PPP1R12A: variants seen among roughly 807,000 people sequenced by gnomAD.
PPP1R12A encodes myosin binding subunit.
A neutral mutation model predicts 139.6 loss-of-function variants in PPP1R12A; 19 were observed. The observed-to-expected ratio is 0.14, with a 90% CI of 0.09 to 0.20. PPP1R12A has a LOEUF of 0.20. Ranked by LOEUF, PPP1R12A falls within the 10% of genes least tolerant of loss-of-function variation. The probability of loss-of-function intolerance (pLI) is 1.00; values close to 1 mark genes in which losing one functional copy is unlikely to be tolerated. For missense variants in PPP1R12A, 925 were observed against 1,211.5 expected, an observed-to-expected ratio of 0.76 and a Z score of 3.51; for synonymous variants, 427 against 420.6, an observed-to-expected ratio of 1.02 and a Z score of -0.19.
chr12:79,787,450 C>T (rs1871260390), intron 21 of PPP1R12A: 1 of 152,134 alleles, frequency 6.6e-6, no homozygotes, highest in Non-Finnish European at 1.5e-5. Context: ...CCATTTTTGC[C>T]CGTTAACTAT....
At position 79,773,811 on chromosome 12, in the gene PPP1R12A, T is replaced by A. The variant is rs988003138; in HGVS notation, c.*2118A>T. The A allele has an allele frequency of 6.6e-6, 1 of 152,196 alleles. No individual in the cohort carries two copies. Among genetic ancestry groups the A allele is most frequent in the African/African-American group, 2.4e-5 (1 of 41,456 alleles). 9.4% of individuals were successfully genotyped at this position (152,196 alleles called of 1,614,324 possible). The stretch of plus-strand genomic sequence containing the variant: ...AAATTTAAAATGTCTTCATTAAAAG[T>A]TCACACATTTAAAATAGTTTTATTC... On this transcript the variant is annotated 3_prime_UTR_variant, in exon 25 of 25. Coordinates refer to ENST00000450142, the MANE Select transcript of PPP1R12A (RefSeq NM_002480.3).
chr12:79,915,779 C>T (rs1204793553), intron 1 of PPP1R12A, among the ~76,000 whole-genome samples: 2 of 152,152 alleles, frequency 1.3e-5, no homozygotes, highest in African/African-American at 2.4e-5. Flanking sequence ...CTATGTTAGT[C>T]TTCCCTTTGG....
chr12:79,919,650 T>A (rs985634162), intron 1 of PPP1R12A, among the ~76,000 whole-genome samples: 4 of 152,022 alleles, frequency 2.6e-5, no homozygotes, highest in African/African-American at 9.7e-5. Context: ...TCATTACACA[T>A]AACTGATGTA....
chr12:79,778,880 A>G lies in PPP1R12A; in HGVS notation c.2956-280T>C, dbSNP rs563122249. ...TACTTTTTGAGTTCATGTAAAACTTAGAGTGAATCAATACTCAAGACTGAA... is the reference window on the plus strand; with the variant it reads ...TACTTTTTGAGTTCATGTAAAACTTGGAGTGAATCAATACTCAAGACTGAA... On this transcript the variant is annotated intron_variant, in intron 23 of 24. Coordinates refer to ENST00000450142, the MANE Select transcript of PPP1R12A (RefSeq NM_002480.3). 2.8e-5 allele frequency: 7 copies of G among 251,480 alleles called. No individual in the cohort carries two copies. In the South Asian group the frequency reaches 6.3e-4, roughly 23 times the overall value. The allele number at this position is 251,480 out of a possible 1,614,324, so 15.6% of individuals were successfully genotyped here.
chr12:79,931,183 G>A (rs545741559), intron 1 of PPP1R12A, among the ~76,000 whole-genome samples: 1 of 152,144 alleles, frequency 6.6e-6, no homozygotes, highest in Non-Finnish European at 1.5e-5. Flanking sequence ...ATACTGAATT[G>A]CAACTATGAA....
chr12:79,878,678 C>T lies in PPP1R12A; in HGVS notation c.238-5740G>A, dbSNP rs117617217. Among the ~76,000 whole-genome samples the T allele has an allele frequency of 9.7e-3, 1,471 of 152,074 alleles. 17 individuals are homozygous for T. Among genetic ancestry groups the T allele is most frequent in the South Asian group, 0.025 (122 of 4,814 alleles). On this transcript the variant is annotated intron_variant, in intron 1 of 24. Transcript: ENST00000450142. ...AGCAAACACCTCCTCCTTCACATGG[C>T]GGTGGCAAGGAGAAGCGCCGAGCAA...
chr12:79,825,185 A>G (rs1400501832), intron 5 of PPP1R12A: 3 of 152,166 alleles, frequency 2.0e-5, no homozygotes, highest in Non-Finnish European at 2.9e-5. Flanking sequence ...AAATAAAAAT[A>G]AATTCAGATG....
chr12:79,865,253 C>G (rs769551083), intron 2 of PPP1R12A, among the ~76,000 whole-genome samples: 2 of 152,078 alleles, frequency 1.3e-5, no homozygotes, highest in African/African-American at 2.4e-5. Context: ...AAAAGGCCTT[C>G]GATAAAATTC....
chr12:79,821,283 G>T (rs1876064949), intron 6 of PPP1R12A, 117 bp from the exon 7 acceptor site: 2 of 655,740 alleles, frequency 3.0e-6, no homozygotes, highest in South Asian at 4.7e-5. Flanking sequence ...ACAAAACAAA[G>T]AAATAAATAA....
intron 1 of PPP1R12A, among the ~76,000 whole-genome samples, chr12:79,930,163 T>G (rs1474754162): frequency 1.3e-5 from 2 of 152,128 alleles, no homozygotes; most frequent in Non-Finnish European, 2.9e-5. Context: ...ATGTGAATCT[T>G]GAACAATGAC....
upstream of PPP1R12A, chr12:79,935,134 A>G (rs1208224832): frequency 5.2e-6 from 7 of 1,342,830 alleles, no homozygotes; most frequent in South Asian, 1.8e-5. Flanking sequence ...CTCCCTTCCT[A>G]CCACAGAAGC....
chr12:79,869,416 C>A (rs1326842188), intron 2 of PPP1R12A, among the ~76,000 whole-genome samples: 3 of 152,166 alleles, frequency 2.0e-5, no homozygotes, highest in Non-Finnish European at 4.4e-5. Flanking sequence ...TGAATTACTA[C>A]TATTCAGTGC....
intron 2 of PPP1R12A, chr12:79,848,657 G>A (rs1034574724): frequency 1.3e-5 from 2 of 152,114 alleles, no homozygotes; most frequent in African/African-American, 4.8e-5. Flanking sequence ...ACATATGTAT[G>A]TATGTACTTA....
chr12:79,840,106 C>G (rs1375186445), intron 3 of PPP1R12A, among the ~76,000 whole-genome samples: 2 of 152,144 alleles, frequency 1.3e-5, no homozygotes, highest in Non-Finnish European at 2.9e-5. Context: ...CTCAAGATAT[C>G]TGTCTTACTG....
At position 79,931,780 on chromosome 12, in the gene PPP1R12A, G is replaced by T. The variant is rs538434301; in HGVS notation, c.237+2915C>A. 3.9e-5 allele frequency among the ~76,000 whole-genome samples: 6 copies of T among 152,160 alleles called. No homozygotes were observed. In the South Asian group the frequency reaches 6.2e-4, roughly 16 times the overall value. On this transcript the variant is annotated intron_variant, in intron 1 of 24. Transcript: ENST00000450142. Reference sequence around the variant, plus strand: ...ACTTTGTGCTGTTTTGTAGCTTTGGGGGTCAGGTCCTGGGTAGAGTGGGTG... The same window carrying T: ...ACTTTGTGCTGTTTTGTAGCTTTGGTGGTCAGGTCCTGGGTAGAGTGGGTG...
chr12:79,809,469 A>G (rs976470458), intron 10 of PPP1R12A, among the ~76,000 whole-genome samples: 2 of 152,084 alleles, frequency 1.3e-5, no homozygotes, highest in African/African-American at 4.8e-5. Context: ...ATGTGTTCCT[A>G]TGTTTTTTAA....
At position 79,895,790 on chromosome 12, in the gene PPP1R12A, T is replaced by C. The variant is rs79615038; in HGVS notation, c.238-22852A>G. 5.6e-3 allele frequency among the ~76,000 whole-genome samples: 848 copies of C among 152,316 alleles called. 2 individuals are homozygous for C. Among genetic ancestry groups the C allele is most frequent in the Middle Eastern group, 0.02 (6 of 294 alleles). On this transcript the variant is annotated intron_variant, in intron 1 of 24. Coordinates refer to ENST00000450142, the MANE Select transcript of PPP1R12A (RefSeq NM_002480.3). ...AATTACTATCATCTGTAAGGTACTA[T>C]ATGCTGGGAATACAAAAAAATGAAT... is the stretch of plus-strand genomic sequence containing the variant.
At chr12:79,844,038 A>G (rs550107213) in intron 3 of PPP1R12A, among the ~76,000 whole-genome samples, 1 of 151,926 alleles carries the variant, frequency 6.6e-6, no homozygotes. Context: ...ATATATATAC[A>G]CACACACAGC....
At chr12:79,798,708 C>T (rs1872746027) in intron 14 of PPP1R12A, 124 bp from the exon 15 acceptor site, 1 of 440,522 alleles carries the variant, frequency 2.3e-6, no homozygotes, top group Non-Finnish European at 3.8e-6. Flanking sequence ...GAAAAGTCTT[C>T]AGAAAATGGT....
Sources: gnomAD v4.1 joint callset for allele counts (sites outside exome capture counted in the v4.1 genomes callset) on GRCh38, gnomAD v4.1.1 for gene constraint, MANE v1.5 for transcripts, NCBI Gene and HGNC (gene_info 2026-07-23, HGNC 2026-07-21) for gene names.